The following PARD3 variants were observed in gnomAD, a reference collection of about 807,000 sequenced individuals.
The protein encoded by PARD3 is partitioning defective 3 homolog.
PARD3 carries 75 observed loss-of-function variants against 155.4 expected under a neutral mutation model. That is an observed-to-expected ratio of 0.48 (90% confidence interval 0.40 to 0.58). The LOEUF (loss-of-function observed/expected upper bound fraction) is 0.58. Ranked by LOEUF, PARD3 falls within the 20% of genes least tolerant of loss-of-function variation. PARD3 has a pLI of 0.00. For synonymous variants in PARD3, 576 were observed against 610.5 expected (o/e 0.94, Z 0.83); for missense variants, 1,642 against 1,721.7 (o/e 0.95, Z 0.82).
chr10:34,723,086 A>G (rs1342158254), intron 1 of PARD3, among the ~76,000 whole-genome samples: 2 of 152,134 alleles, frequency 1.3e-5, no homozygotes, highest in South Asian at 2.1e-4. Flanking sequence ...GCTTACACCT[A>G]TAATTCCAGC....
chr10:34,188,375 C>T (rs749668125), intron 22 of PARD3, among the ~76,000 whole-genome samples: 14 of 152,130 alleles, frequency 9.2e-5, no homozygotes, highest in African/African-American at 1.7e-4. Flanking sequence ...GTGTCTCCCA[C>T]GCTTCCACTG....
intron 5 of PARD3, among the ~76,000 whole-genome samples, chr10:34,410,128 A>T (rs1203786877): frequency 6.6e-6 from 1 of 152,158 alleles, no homozygotes; most frequent in Non-Finnish European, 1.5e-5. Flanking sequence ...AAATTTTAAA[A>T]AGAAAATGGG....
At chr10:34,540,371 C>T (rs898193006) in intron 2 of PARD3, among the ~76,000 whole-genome samples, 1 of 151,728 alleles carries the variant, frequency 6.6e-6, no homozygotes, top group African/African-American at 2.4e-5. Context: ...TGCTATACCT[C>T]GTGTTCTAGC....
chr10:34,159,296 T>C (rs1331815067), intron 22 of PARD3, among the ~76,000 whole-genome samples: 3 of 152,178 alleles, frequency 2.0e-5, no homozygotes, highest in Admixed American at 6.5e-5. Context: ...TCATGGGCTG[T>C]TGAGTAGCAA....
intron 1 of PARD3, among the ~76,000 whole-genome samples, chr10:34,774,575 T>C (rs1317379438): frequency 1.3e-5 from 2 of 152,216 alleles, no homozygotes; most frequent in Non-Finnish European, 1.5e-5. Context: ...CTTGAATTAG[T>C]ATAAGTTAAA....
intron 2 of PARD3, among the ~76,000 whole-genome samples, chr10:34,642,590 C>A (rs1194439557): frequency 6.6e-6 from 1 of 152,106 alleles, no homozygotes; most frequent in Admixed American, 6.5e-5. Context: ...CCACATGGCA[C>A]CCCCACTCGG....
At chr10:34,242,052 C>T (rs1227336777) in intron 22 of PARD3, among the ~76,000 whole-genome samples, 1 of 152,108 alleles carries the variant, frequency 6.6e-6, no homozygotes, top group Non-Finnish European at 1.5e-5. Context: ...TTATGATAAC[C>T]AGCTGGCATG....
chr10:34,220,541 T>C (rs1952225729), intron 22 of PARD3, among the ~76,000 whole-genome samples: 1 of 151,964 alleles, frequency 6.6e-6, no homozygotes, highest in African/African-American at 2.4e-5. Flanking sequence ...GAGAGTGAAG[T>C]TTTCCTTCAG....
At chr10:34,329,496 T>C (rs1398529413) in intron 19 of PARD3, among the ~76,000 whole-genome samples, 1 of 151,964 alleles carries the variant, frequency 6.6e-6, no homozygotes, top group African/African-American at 2.4e-5. Flanking sequence ...CTCAATAGGG[T>C]CGAAAGCTTA....
chr10:34,406,341 T>G (rs1844473995), intron 5 of PARD3, among the ~76,000 whole-genome samples: 1 of 152,146 alleles, frequency 6.6e-6, no homozygotes, highest in African/African-American at 2.4e-5. Flanking sequence ...ATAAAGCTCT[T>G]TTTGGAAGTG....
At chr10:34,456,188 T>C (rs1231432376) in intron 4 of PARD3, among the ~76,000 whole-genome samples, 1 of 152,130 alleles carries the variant, frequency 6.6e-6, no homozygotes, top group Non-Finnish European at 1.5e-5. Flanking sequence ...TATGGTGGAG[T>C]CTGCAACCAG....
At chr10:34,755,690 C>CA (rs1564584725) in intron 1 of PARD3, among the ~76,000 whole-genome samples, 1 of 152,006 alleles carries the variant, frequency 6.6e-6, no homozygotes, top group Non-Finnish European at 1.5e-5. Flanking sequence ...TATGGATACT[C>CA]AAAGATTTGG....
intron 2 of PARD3, among the ~76,000 whole-genome samples, chr10:34,562,188 G>T (rs1246481799): frequency 6.9e-6 from 1 of 145,948 alleles, no homozygotes; most frequent in Non-Finnish European, 1.5e-5. Context: ...TATAATCCCG[G>T]CACTTTGGGA....
chr10:34,449,334 GAAGA>G (rs892108513), intron 5 of PARD3, among the ~76,000 whole-genome samples: 5 of 150,634 alleles, frequency 3.3e-5, no homozygotes, highest in African/African-American at 1.2e-4. Context: ...AATAAAGCTG[GAAGA>G]AAGCACAATT....
chr10:34,459,151 C>G (rs141822209), intron 4 of PARD3, among the ~76,000 whole-genome samples: 1 of 152,090 alleles, frequency 6.6e-6, no homozygotes, highest in Non-Finnish European at 1.5e-5. Flanking sequence ...GCAAGAAATA[C>G]GCAACAACAT....
intron 3 of PARD3, among the ~76,000 whole-genome samples, chr10:34,482,867 T>A (rs1453875336): frequency 3.3e-5 from 5 of 149,314 alleles, no homozygotes; most frequent in African/African-American, 7.4e-5. Context: ...AAAAAAAAAA[T>A]GCAAGGTGCA....
At chr10:34,269,989 T>C in intron 21 of PARD3, 90 bp from the exon 22 acceptor site, 7 of 1,253,080 alleles carry the variant, frequency 5.6e-6, no homozygotes, top group African/African-American at 1.5e-5. Context: ...TGTTGTAAAA[T>C]ATATTTGATT....
intron 20 of PARD3, among the ~76,000 whole-genome samples, chr10:34,286,449 G>A (rs1044856974): frequency 3.3e-5 from 5 of 152,256 alleles, no homozygotes; most frequent in Admixed American, 3.3e-4. Flanking sequence ...GGAGGGTGAT[G>A]GCCTCTCTCC....
intron 24 of PARD3, among the ~76,000 whole-genome samples, chr10:34,117,766 C>T (rs988699919): frequency 7.9e-5 from 12 of 152,106 alleles, no homozygotes; most frequent in Non-Finnish European, 1.6e-4. Context: ...CAAAAATTAG[C>T]CAGGCGAGGT....
Sources: allele counts gnomAD v4.1 joint callset (sites outside exome capture counted in the v4.1 genomes callset), GRCh38; gene constraint gnomAD v4.1.1; transcripts MANE v1.5; gene names NCBI Gene and HGNC (gene_info 2026-07-23, HGNC 2026-07-21).